Variants in DMD observed in about 807,000 individuals in gnomAD.
The protein encoded by DMD is mutant dystrophin.
In DMD, 63 loss-of-function variants were observed where a neutral mutation model predicts 330.1. The observed-to-expected ratio is 0.19, with a 90% CI of 0.16 to 0.24. DMD has a LOEUF of 0.24. Among genes scored for constraint, DMD ranks in the 10% least tolerant of loss-of-function variants. DMD has a pLI of 1.00. For synonymous variants in DMD, 1,223 were observed against 959.8 expected, an observed-to-expected ratio of 1.27 and a Z score of -5.07; for missense variants, 3,344 against 2,684.1, an observed-to-expected ratio of 1.25 and a Z score of -5.43.
At chrX:33,151,023 A>G (rs768854369) in intron 1 of DMD, among the ~76,000 whole-genome samples, 2 of 112,469 alleles carry the variant, frequency 1.8e-5, no homozygotes, top group African/African-American at 6.4e-5. Flanking sequence ...GAAGAACTCA[A>G]GGTTTTCAAC....
intron 50 of DMD, among the ~76,000 whole-genome samples, chrX:31,797,576 G>C (rs1367764183): frequency 8.9e-6 from 1 of 112,043 alleles, no homozygotes; most frequent in Non-Finnish European, 1.9e-5. Flanking sequence ...TAGGTAAAAT[G>C]TGCATAAAAA....
At chrX:32,978,535 T>C (rs900504044) in intron 2 of DMD, among the ~76,000 whole-genome samples, 2 of 111,599 alleles carry the variant, frequency 1.8e-5, no homozygotes, top group Non-Finnish European at 3.8e-5. Flanking sequence ...AGTGGTGCAA[T>C]CTCGGCTCGA....
intron 60 of DMD, among the ~76,000 whole-genome samples, chrX:31,416,976 G>T (rs1015317172): frequency 8.9e-6 from 1 of 112,185 alleles, no homozygotes; most frequent in African/African-American, 3.2e-5. Context: ...TAAAGTGGTC[G>T]TTTCAAAGCT....
chrX:32,836,091 G>GT (rs1217530861), intron 4 of DMD, among the ~76,000 whole-genome samples: 2 of 109,942 alleles, frequency 1.8e-5, no homozygotes, highest in African/African-American at 6.6e-5. Context: ...GAGTGCAGTG[G>GT]TATGATCACC....
intron 2 of DMD, among the ~76,000 whole-genome samples, chrX:32,957,766 C>T (rs761461551): frequency 9.0e-5 from 10 of 111,340 alleles, no homozygotes; most frequent in Non-Finnish European, 1.5e-4. Context: ...ACATCAGCAG[C>T]CAAAGGTAAA....
intron 48 of DMD, among the ~76,000 whole-genome samples, chrX:31,853,008 A>G (rs186387981): frequency 8.9e-5 from 10 of 112,175 alleles, no homozygotes; most frequent in African/African-American, 1.9e-4. Context: ...CTCAGCCTCC[A>G]GAGTAGCTGA....
At chrX:32,169,977 C>T (rs1048164060) in intron 44 of DMD, among the ~76,000 whole-genome samples, 5 of 111,450 alleles carry the variant, frequency 4.5e-5, no homozygotes, top group Admixed American at 1.9e-4. Flanking sequence ...AAATGATCAG[C>T]TAAAGGATTT....
At chrX:32,390,606 T>A (rs1235224879) in intron 30 of DMD, among the ~76,000 whole-genome samples, 1 of 112,163 alleles carries the variant, frequency 8.9e-6, no homozygotes, top group Non-Finnish European at 1.9e-5. Context: ...TCTGTAAGAT[T>A]CAGCCAACTG....
chrX:32,732,997 T>G (rs980818320), intron 7 of DMD, among the ~76,000 whole-genome samples: 1 of 110,931 alleles, frequency 9.0e-6, no homozygotes, highest in Admixed American at 9.6e-5. Flanking sequence ...GACCCATCAG[T>G]GAGCTGTATT....
chrX:32,362,747 C>T (rs2097841480), intron 37 of DMD, 41 bp downstream of exon 37: 3 of 1,198,071 alleles, frequency 2.5e-6, no homozygotes, highest in Admixed American at 2.2e-5. Context: ...TCGCAAGAGA[C>T]CATTTAGCAC....
intron 7 of DMD, among the ~76,000 whole-genome samples, chrX:32,726,935 CA>C (rs1252656569): frequency 4.6e-5 from 5 of 109,769 alleles, no homozygotes; most frequent in Admixed American, 2.0e-4. Context: ...TAAAGGACAC[CA>C]AAAGTGAGCC....
chrX:32,303,967 T>A (rs1241259689), intron 42 of DMD, among the ~76,000 whole-genome samples: 1 of 111,388 alleles, frequency 9.0e-6, no homozygotes, highest in East Asian at 2.8e-4. Flanking sequence ...GTTAAAAAGT[T>A]ATTTTTGGTG....
At chrX:31,301,854 C>T (rs2054669541) in intron 62 of DMD, among the ~76,000 whole-genome samples, 1 of 111,828 alleles carries the variant, frequency 8.9e-6, no homozygotes, top group South Asian at 3.7e-4. Context: ...ATATCCACTG[C>T]AGCTCCAGGA....
intron 1 of DMD, among the ~76,000 whole-genome samples, chrX:33,205,375 G>T (rs1311391638): frequency 2.7e-5 from 3 of 112,351 alleles, no homozygotes; most frequent in African/African-American, 9.7e-5. Context: ...TTCTGATTTT[G>T]TGATTTTTCT....
At chrX:32,637,201 A>C (rs2059159332) in intron 11 of DMD, among the ~76,000 whole-genome samples, 1 of 111,661 alleles carries the variant, frequency 9.0e-6, no homozygotes, top group Non-Finnish European at 1.9e-5. Context: ...TGACACTCTG[A>C]AATTCTATTC....
chrX:31,711,098 AG>A, intron 52 of DMD, among the ~76,000 whole-genome samples: 1 of 110,561 alleles, frequency 9.0e-6, no homozygotes, highest in East Asian at 2.8e-4. Context: ...AAAAAAAAAA[AG>A]GTTTTGTAAA....
intron 44 of DMD, among the ~76,000 whole-genome samples, chrX:32,152,266 G>A (rs1808273015): frequency 9.0e-6 from 1 of 111,555 alleles, no homozygotes; most frequent in African/African-American, 3.3e-5. Flanking sequence ...ATTTTTTAAA[G>A]ATGGGGGGTG....
At chrX:32,551,983 C>A (rs2049611455) in intron 16 of DMD, among the ~76,000 whole-genome samples, 1 of 111,929 alleles carries the variant, frequency 8.9e-6, no homozygotes, top group African/African-American at 3.2e-5. Flanking sequence ...AGAGATAACA[C>A]ACAAAAAATG....
chrX:32,136,993 A>G (rs2096729253), intron 44 of DMD, among the ~76,000 whole-genome samples: 1 of 111,906 alleles, frequency 8.9e-6, no homozygotes, highest in African/African-American at 3.3e-5. Flanking sequence ...CATGTGCCCT[A>G]AAACTTAAAG....
Sources: gnomAD v4.1 joint callset for allele counts (sites outside exome capture counted in the v4.1 genomes callset) on GRCh38, gnomAD v4.1.1 for gene constraint, MANE v1.5 for transcripts, NCBI Gene and HGNC (gene_info 2026-07-23, HGNC 2026-07-21) for gene names.